Variants in SLC1A2 observed in about 807,000 individuals in gnomAD.
SLC1A2 encodes the protein solute carrier family 1 member 2.
A neutral mutation model predicts 48.8 loss-of-function variants in SLC1A2; 15 were observed. That is an observed-to-expected ratio of 0.31 (90% CI 0.21 to 0.47). The LOEUF is 0.47. SLC1A2 is among the 20% of genes least tolerant of loss of function. SLC1A2 has a pLI of 0.99. For missense variants in SLC1A2, 502 were observed against 730.5 expected, an observed-to-expected ratio of 0.69 and a Z score of 3.61; for synonymous variants, 279 against 272.6, an observed-to-expected ratio of 1.02 and a Z score of -0.23.
rs551771004 is a variant in SLC1A2, at chr11:35,368,846, G to A, written c.17+50104C>T. Among the ~76,000 whole-genome samples, 4 of 152,328 alleles carry A rather than the reference G, an allele frequency of 2.6e-5. No homozygotes were observed. In the South Asian group the frequency reaches 8.3e-4, roughly 32 times the overall value. On this transcript the variant is annotated intron_variant, in intron 1 of 10. Transcript: ENST00000278379. ...CTTACCCTGGGATATGCCATTTTGT[G>A]TAGGAAAGCAGATGAGGACAGAGGT...
At chr11:35,321,055 G>A (rs1852047058) in intron 1 of SLC1A2, among the ~76,000 whole-genome samples, 2 of 152,140 alleles carry the variant, frequency 1.3e-5, no homozygotes, top group Admixed American at 1.3e-4. Flanking sequence ...ATCAAATCAT[G>A]GTGGAAGGGG....
chr11:35,324,003 A>G (rs1048900989), intron 1 of SLC1A2, among the ~76,000 whole-genome samples: 3 of 152,230 alleles, frequency 2.0e-5, no homozygotes, highest in Non-Finnish European at 4.4e-5. Flanking sequence ...TAAACTTACC[A>G]CTAAGTCATT....
intron 9 of SLC1A2, among the ~76,000 whole-genome samples, chr11:35,270,974 A>T (rs1850264471): frequency 6.6e-6 from 1 of 152,234 alleles, no homozygotes; most frequent in Admixed American, 6.5e-5. Context: ...GTGAAGAACG[A>T]ACTAAAAAAT....
intron 1 of SLC1A2, among the ~76,000 whole-genome samples, chr11:35,385,075 G>A (rs1444378828): frequency 6.6e-5 from 10 of 152,188 alleles, no homozygotes. Context: ...TACTATATCT[G>A]GAGAATACAA....
At chr11:35,387,581 C>A (rs1004485818) in intron 1 of SLC1A2, among the ~76,000 whole-genome samples, 3 of 152,318 alleles carry the variant, frequency 2.0e-5, no homozygotes, top group African/African-American at 7.2e-5. Flanking sequence ...ATGGTAACAA[C>A]TGCAAGGCCT....
rs1950369495 is a variant in SLC1A2 at position 35,259,987 on chromosome 11, A to G, written c.*907T>C. On this transcript the variant is annotated 3_prime_UTR_variant, in exon 11 of 11. Transcript: ENST00000278379. ...CTTTTTCTTTAGGAACCAAAAAATAATCTTTTGGGTTAAACAAAGCAAAAC... is the reference window on the plus strand; with the variant it reads ...CTTTTTCTTTAGGAACCAAAAAATAGTCTTTTGGGTTAAACAAAGCAAAAC... 1 of 152,248 alleles carries G rather than the reference A, an allele frequency of 6.6e-6. No homozygotes were observed. The highest frequency in any genetic ancestry group is 2.1e-4 in the South Asian group (1 of 4,830). The allele number at this position is 152,248 out of a possible 1,614,324, so 9.4% of individuals were successfully genotyped here. A position where few individuals can be genotyped will look rare whatever the true frequency, so the allele number is the denominator to read the frequency against.
intron 1 of SLC1A2, among the ~76,000 whole-genome samples, chr11:35,389,278 G>A (rs1403586423): frequency 6.6e-6 from 1 of 152,162 alleles, no homozygotes; most frequent in Admixed American, 6.5e-5. Flanking sequence ...ATCACTGGGT[G>A]AATTGGCCCA....
chr11:35,387,185 C>T (rs1854610752), intron 1 of SLC1A2, among the ~76,000 whole-genome samples: 1 of 152,136 alleles, frequency 6.6e-6, no homozygotes. Context: ...AGATGGCTGC[C>T]TTAATGTGTG....
rs1330713329 is a variant in SLC1A2 at position 35,254,782 on chromosome 11, T to A, written c.*6112A>T. On this transcript the variant is annotated 3_prime_UTR_variant, in exon 11 of 11. Coordinates refer to ENST00000278379, the MANE Select transcript of SLC1A2 (RefSeq NM_004171.4). Reference sequence around the variant, plus strand: ...AAGCAGTGAGGTCTGTTCCAATAGCTGGTTTTATTCTCAGCACAAAAGGGC... The same window carrying A: ...AAGCAGTGAGGTCTGTTCCAATAGCAGGTTTTATTCTCAGCACAAAAGGGC... 2.2e-6 allele frequency: 1 copy of A among 456,048 alleles called. No homozygotes were observed. Among genetic ancestry groups the A allele is most frequent in the African/African-American group, 2.0e-5 (1 of 50,050 alleles). The allele number at this position is 456,048 out of a possible 1,614,324, so 28.3% of individuals were successfully genotyped here.
At chr11:35,266,928 G>C (rs1324361682) in intron 9 of SLC1A2, among the ~76,000 whole-genome samples, 4 of 152,326 alleles carry the variant, frequency 2.6e-5, no homozygotes, top group South Asian at 4.1e-4. Context: ...GTCGGGCCTG[G>C]CTCCTTTGCA....
At chr11:35,329,190 G>A (rs985601601) in intron 1 of SLC1A2, among the ~76,000 whole-genome samples, 33 of 152,202 alleles carry the variant, frequency 2.2e-4, no homozygotes, top group African/African-American at 6.8e-4. Flanking sequence ...TGACATTCTG[G>A]AAAAGGCAAA....
At chr11:35,318,430 T>C (rs773477028) in intron 1 of SLC1A2, among the ~76,000 whole-genome samples, 1 of 152,162 alleles carries the variant, frequency 6.6e-6, no homozygotes, top group Non-Finnish European at 1.5e-5. Flanking sequence ...ACAATCACCA[T>C]CATTTGATAA....
Position 35,337,118 on chromosome 11 carries a change from T to G in SLC1A2, c.18-19602A>C, listed in dbSNP as rs57884699. ...TCCTAAACTACTGCAGAGCTGCTGG[T>G]TAACCAAAATCCAGGGAGGGTTTTG... On this transcript the variant is annotated intron_variant, in intron 1 of 10. Transcript: ENST00000278379. Among the ~76,000 whole-genome samples the G allele has an allele frequency of 1.5e-3, 229 of 152,264 alleles. 1 individual carries two copies. Among genetic ancestry groups the G allele is most frequent in the African/African-American group, 5.3e-3 (220 of 41,542 alleles).
Position 35,292,281 on chromosome 11 carries a change from C to T in SLC1A2, c.1091+6G>A, listed in dbSNP as rs1360643382. 1 of 1,600,510 alleles carries T rather than the reference C, an allele frequency of 6.2e-7. No individual in the cohort carries two copies. Among genetic ancestry groups the T allele is most frequent in the East Asian group, 2.2e-5 (1 of 44,814 alleles). ...AAAGAGAAAGGTGATTTCTTTTGTT[C>T]TCTACCTGGAAGCGGTGCCCAGGGC... On this transcript the variant is annotated splice_donor_region_variant and intron_variant, in intron 7 of 10. Coordinates refer to ENST00000278379, the MANE Select transcript of SLC1A2 (RefSeq NM_004171.4).
intron 1 of SLC1A2, among the ~76,000 whole-genome samples, chr11:35,324,570 A>G (rs1483852821): frequency 1.3e-5 from 2 of 152,228 alleles, no homozygotes; most frequent in African/African-American, 4.8e-5. Context: ...ATGACCAGTA[A>G]GAGAGTTTAC....
rs1483273548 is a variant in SLC1A2 at position 35,419,062 on chromosome 11, C to G, written c.-96G>C. 1 of 1,215,046 alleles carries G rather than the reference C, an allele frequency of 8.2e-7. No individual in the cohort carries two copies. The highest frequency in any genetic ancestry group is 1.2e-6 in the Non-Finnish European group (1 of 853,448). The allele number at this position is 1,215,046 out of a possible 1,614,324, so 75.3% of individuals were successfully genotyped here. A position where few individuals can be genotyped will look rare whatever the true frequency, so the allele number is the denominator to read the frequency against. ...GGTGAGCGCGAAGTGCGGCCGGGAG[C>G]GGTATTTAAGAGGAGCCTCTGCCCG... is the stretch of plus-strand genomic sequence containing the variant. On this transcript the variant is annotated 5_prime_UTR_variant, in exon 1 of 11. Coordinates refer to ENST00000278379, the MANE Select transcript of SLC1A2 (RefSeq NM_004171.4). The surrounding 1 kb of genome is among the most constrained non-coding windows in gnomAD (Gnocchi z 5.4).
intron 6 of SLC1A2, 135 bp from the exon 7 acceptor site, chr11:35,292,655 A>G (rs780062099): frequency 3.4e-6 from 2 of 595,080 alleles, no homozygotes; most frequent in Non-Finnish European, 2.9e-6. Flanking sequence ...AGAAAAGTTC[A>G]TGTTATTTTT....
At chr11:35,386,338 T>C (rs1024760667) in intron 1 of SLC1A2, among the ~76,000 whole-genome samples, 22 of 152,270 alleles carry the variant, frequency 1.4e-4, no homozygotes, top group African/African-American at 4.6e-4. Context: ...CACTCTTTTA[T>C]TGTGCCAGAA....
chr11:35,393,093 TG>T (rs2135246336), intron 1 of SLC1A2, among the ~76,000 whole-genome samples: 1 of 152,290 alleles, frequency 6.6e-6, no homozygotes, highest in East Asian at 1.9e-4. Flanking sequence ...AGTAAGTATC[TG>T]GTCCTAGATT....
Sources: gnomAD v4.1 joint callset for allele counts (sites outside exome capture counted in the v4.1 genomes callset) on GRCh38, gnomAD v4.1.1 for gene constraint, Gnocchi (gnomAD v3.1) non-coding constraint, MANE v1.5 for transcripts, NCBI Gene and HGNC (gene_info 2026-07-23, HGNC 2026-07-21) for gene names.